CUTC: variants seen among roughly 807,000 people sequenced by gnomAD.
CUTC encodes copper homeostasis protein cutC homolog.
CUTC carries 27 observed loss-of-function variants against 36.2 expected under a neutral mutation model. The observed-to-expected ratio is 0.75, with a 90% CI of 0.55 to 1.03. CUTC has a LOEUF of 1.03. CUTC is among the 50% of genes least tolerant of loss of function. The probability of loss-of-function intolerance (pLI) is 0.00; values close to 1 mark genes in which losing one functional copy is unlikely to be tolerated. For synonymous variants in CUTC, 114 were observed against 118.3 expected (o/e 0.96, Z 0.24); for missense variants, 315 against 343.5 (o/e 0.92, Z 0.66).
At chr10:99,737,689 T>TA (rs1443439636) in intron 2 of CUTC, among the ~76,000 whole-genome samples, 1 of 152,184 alleles carries the variant, frequency 6.6e-6, no homozygotes, top group Non-Finnish European at 1.5e-5. Flanking sequence ...AAAACATTCT[T>TA]AGTTTGCAGG....
At chr10:99,739,016 A>G (rs2037319210) in intron 2 of CUTC, among the ~76,000 whole-genome samples, 1 of 152,204 alleles carries the variant, frequency 6.6e-6, no homozygotes, top group African/African-American at 2.4e-5. Context: ...GGCAGAATAA[A>G]TGCTTGCTTA....
chr10:99,746,562 T>C (rs2037379117), intron 5 of CUTC, among the ~76,000 whole-genome samples: 1 of 152,122 alleles, frequency 6.6e-6, no homozygotes, highest in South Asian at 2.1e-4. Flanking sequence ...TTATAATTAC[T>C]TTATATTGAA....
Position 99,756,080 on chromosome 10 carries a change from A to T in CUTC, c.*341A>T, listed in dbSNP as rs2037455330. ...AATTCAGAGTGTGACTTAAGGGTCA[A>T]TTCAAAGCAGTATTTTGACTTTTCA... On this transcript the variant is annotated 3_prime_UTR_variant, in exon 9 of 9. Coordinates refer to ENST00000370476, the MANE Select transcript of CUTC (RefSeq NM_015960.3). 2 of 209,180 alleles carry T rather than the reference A, an allele frequency of 9.6e-6. No individual in the cohort carries two copies. Among genetic ancestry groups the T allele is most frequent in the Admixed American group, 1.1e-4 (2 of 17,670 alleles). The allele number at this position is 209,180 out of a possible 1,614,324, so 13.0% of individuals were successfully genotyped here.
intron 2 of CUTC, among the ~76,000 whole-genome samples, chr10:99,737,694 T>C (rs1055865745): frequency 3.3e-5 from 5 of 152,198 alleles, no homozygotes; most frequent in Non-Finnish European, 5.9e-5. Context: ...ATTCTTAGTT[T>C]GCAGGCCATA....
chr10:99,743,400 A>C, intron 4 of CUTC, 38 bp downstream of exon 4: 1 of 1,560,348 alleles, frequency 6.4e-7, no homozygotes, highest in Non-Finnish European at 8.8e-7. Context: ...GCCTCTAATG[A>C]TAATTGTATT....
chr10:99,737,753 C>G (rs954760551), intron 2 of CUTC, among the ~76,000 whole-genome samples: 5 of 152,048 alleles, frequency 3.3e-5, no homozygotes, highest in African/African-American at 1.2e-4. Flanking sequence ...GTTTGCTGAC[C>G]CCTGATTTAT....
intron 7 of CUTC, among the ~76,000 whole-genome samples, chr10:99,751,721 G>C (rs754105550): frequency 1.3e-5 from 2 of 152,072 alleles, no homozygotes; most frequent in Non-Finnish European, 2.9e-5. Context: ...AGCCGGCCAT[G>C]GTGGCATGTG....
intron 8 of CUTC, 62 bp from the exon 9 acceptor site, chr10:99,755,563 G>C: frequency 1.0e-6 from 1 of 1,002,914 alleles, no homozygotes; most frequent in South Asian, 1.3e-5. Flanking sequence ...ATAAAATGAA[G>C]CGGCAGTAGG....
chr10:99,740,432 AG>A (rs1024908610), intron 3 of CUTC, among the ~76,000 whole-genome samples: 8 of 8,480 alleles, frequency 9.4e-4, no homozygotes, highest in East Asian at 0.029. Context: ...CTAGGTTGAC[AG>A]GTTTTTTTTT....
intron 3 of CUTC, among the ~76,000 whole-genome samples, chr10:99,742,401 C>T (rs2037347988): frequency 6.6e-6 from 1 of 152,098 alleles, no homozygotes; most frequent in African/African-American, 2.4e-5. Flanking sequence ...AGAGGGCATT[C>T]CTGGCCATTC....
intron 7 of CUTC, among the ~76,000 whole-genome samples, chr10:99,752,823 A>G (rs2037429612): frequency 6.6e-6 from 1 of 152,232 alleles, no homozygotes; most frequent in South Asian, 2.1e-4. Context: ...TAATTGTGTG[A>G]TAGATATGAA....
At chr10:99,734,220 C>G (rs936697683) in intron 1 of CUTC, among the ~76,000 whole-genome samples, 1 of 152,050 alleles carries the variant, frequency 6.6e-6, no homozygotes, top group African/African-American at 2.4e-5. Flanking sequence ...CAGGCGCCCG[C>G]CACCACGCCC....
rs774426198 is a variant in CUTC, at chr10:99,736,236, T to C, written c.62-10T>C. On this transcript the variant is annotated splice_polypyrimidine_tract_variant and intron_variant, in intron 1 of 8. Coordinates refer to ENST00000370476, the MANE Select transcript of CUTC (RefSeq NM_015960.3). Reference sequence around the variant, plus strand: ...CTTTATGAACTCTTACCATTCTCCATGTATTTTAGGAGCAGCAAATGGATT... The same window carrying C: ...CTTTATGAACTCTTACCATTCTCCACGTATTTTAGGAGCAGCAAATGGATT... 2 of 1,611,658 alleles carry C rather than the reference T, an allele frequency of 1.2e-6. No individual in the cohort carries two copies. Among genetic ancestry groups the C allele is most frequent in the East Asian group, 4.5e-5 (2 of 44,824 alleles).
intron 5 of CUTC, among the ~76,000 whole-genome samples, chr10:99,747,019 C>T (rs576056732): frequency 6.6e-6 from 1 of 152,140 alleles, no homozygotes; most frequent in Non-Finnish European, 1.5e-5. Context: ...CTCCCCACCT[C>T]GGCCTCCCAA....
chr10:99,733,435 AAAAG>A (rs1194334375), intron 1 of CUTC, among the ~76,000 whole-genome samples: 5 of 152,190 alleles, frequency 3.3e-5, no homozygotes, highest in African/African-American at 7.2e-5. Flanking sequence ...CAACAACAAA[AAAAG>A]CAAAAGAGTG....
rs1025726297 is a variant in CUTC, at chr10:99,739,576, T to C, written c.134-134T>C. ...CTGAGTTAAAAACAGAGTTTTACTC[T>C]AGCTTTATAATTTGATTTCTCTGAG... On this transcript the variant is annotated intron_variant, in intron 2 of 8. Transcript: ENST00000370476. 11 of 774,484 alleles carry C rather than the reference T, an allele frequency of 1.4e-5. No homozygotes were observed. In the African/African-American group the frequency reaches 2.0e-4, roughly 14 times the overall value. 48.0% of individuals were successfully genotyped at this position (774,484 alleles called of 1,614,324 possible).
intron 1 of CUTC, 89 bp downstream of exon 1, chr10:99,732,498 G>C (rs1210938285): frequency 9.1e-6 from 14 of 1,537,082 alleles, no homozygotes; most frequent in Non-Finnish European, 1.2e-5. Flanking sequence ...ATTTCTTCTG[G>C]AGTCGTTTCC....
chr10:99,735,235 A>G (rs1043514668), intron 1 of CUTC, among the ~76,000 whole-genome samples: 7 of 152,184 alleles, frequency 4.6e-5, no homozygotes, highest in Non-Finnish European at 1.0e-4. Context: ...GGGGTTTCAT[A>G]ACTCATGAAG....
At chr10:99,733,948 A>T (rs1026255555) in intron 1 of CUTC, among the ~76,000 whole-genome samples, 1 of 152,178 alleles carries the variant, frequency 6.6e-6, no homozygotes, top group African/African-American at 2.4e-5. Flanking sequence ...GGCCAGTGCC[A>T]CTGATCTGAC....
Sources: gnomAD v4.1 joint callset for allele counts (sites outside exome capture counted in the v4.1 genomes callset) on GRCh38, gnomAD v4.1.1 for gene constraint, MANE v1.5 for transcripts, NCBI Gene and HGNC (gene_info 2026-07-23, HGNC 2026-07-21) for gene names.